Variants in FOLR1 observed in about 807,000 individuals in gnomAD.
FOLR1 encodes the protein folate receptor alpha.
In FOLR1, 11 loss-of-function variants were observed where a neutral mutation model predicts 22.8. The observed-to-expected ratio is 0.48, with a 90% CI of 0.30 to 0.80. The LOEUF is 0.80. Among genes scored for constraint, FOLR1 ranks in the 30% least tolerant of loss-of-function variants. FOLR1 has a pLI of 0.06. For synonymous variants in FOLR1, 108 were observed against 116.5 expected (o/e 0.93, Z 0.47); for missense variants, 273 against 320.3 (o/e 0.85, Z 1.13).
chr11:72,195,979 C>G lies in FOLR1; in HGVS notation c.576C>G (p.Ile192Met). 1 of 1,614,230 alleles carries G rather than the reference C, an allele frequency of 6.2e-7. No homozygotes were observed. ...FPTPTVLCNE[I>M]WTHSYKVSNY... is the part of the protein sequence containing the mutation. ...CACCCACTGTTCTGTGCAATGAAAT[C>G]TGGACTCACTCCTACAAGGTCAGCA... The change falls in exon 4 of 4, where the codon ATC becomes ATG. Residue 192 changes from isoleucine (I) to methionine (M), a missense_variant. By Grantham distance (10) the Ile-to-Met change is conservative (BLOSUM62 1). Coordinates refer to ENST00000393676, the MANE Select transcript of FOLR1 (RefSeq NM_016729.3).
rs772395169 is a variant in FOLR1, at chr11:72,195,858, C to A, written c.494-39C>A. ...AGGGCTGGCAGACCTCAAGATAGTT[C>A]CGGGCCCAGTGGCTAAAGGTCTTCC... is the stretch of plus-strand genomic sequence containing the variant. On this transcript the variant is annotated intron_variant, in intron 3 of 3. Transcript: ENST00000393676. The A allele has an allele frequency of 1.5e-5, 25 of 1,614,058 alleles. No homozygotes were observed. The South Asian group carries it at 2.7e-4, about 18-fold the overall frequency.
chr11:72,194,657 C>A (rs1390854908), intron 1 of FOLR1, among the ~76,000 whole-genome samples: 1 of 152,052 alleles, frequency 6.6e-6, no homozygotes, highest in Non-Finnish European at 1.5e-5. Context: ...CCTCGGCCTC[C>A]CAAAATGCTG....
At chr11:72,193,709 C>T (rs1318409785) in intron 1 of FOLR1, among the ~76,000 whole-genome samples, 1 of 151,994 alleles carries the variant, frequency 6.6e-6, no homozygotes, top group African/African-American at 2.4e-5. Context: ...ATCCGCCCCT[C>T]TTGGCCTCCC....
In FOLR1 at chr11:72,192,336, G is replaced by A. The variant is rs1370692247; in HGVS notation, c.163G>A (p.Glu55Lys). The A allele has an allele frequency of 9.9e-6, 16 of 1,613,914 alleles. No homozygotes were observed. Among genetic ancestry groups the A allele is most frequent in the East Asian group, 2.2e-5 (1 of 44,892 alleles). ...GCCAGGCCCCGAGGACAAGTTGCATGAGCAGGTGGGCCAGGGGGTGATCTG... is the reference window on the plus strand; with the variant it reads ...GCCAGGCCCCGAGGACAAGTTGCATAAGCAGGTGGGCCAGGGGGTGATCTG... ...EKPGPEDKLH[E>K]QCRPWRKNAC... Residue 55 changes from glutamate to lysine, a missense_variant, in exon 1 of 4, where the codon GAG becomes AAG. Glu to Lys is a moderately conservative substitution (Grantham distance 56). Coordinates refer to ENST00000393676, the MANE Select transcript of FOLR1 (RefSeq NM_016729.3).
At chr11:72,193,027 A>G (rs1948176628) in intron 1 of FOLR1, among the ~76,000 whole-genome samples, 1 of 152,182 alleles carries the variant, frequency 6.6e-6, no homozygotes, top group Admixed American at 6.5e-5. Flanking sequence ...ATAACTAAAG[A>G]AAAAGCAGAG....
chr11:72,190,547 C>T (rs906851954), upstream of FOLR1: 2 of 152,132 alleles, frequency 1.3e-5, no homozygotes, highest in African/African-American at 4.8e-5. Flanking sequence ...GAACCCTGTG[C>T]TCTAAACAGT....
rs778286900 is a variant in FOLR1, at chr11:72,195,917, G to A, written c.514G>A (p.Gly172Arg). The part of the protein sequence containing the change: ...WTSGFNKCAV[G>R]AACQPFHFYF... The stretch of plus-strand genomic sequence containing the variant: ...TACAGGGTTTAACAAGTGCGCAGTG[G>A]GAGCTGCCTGCCAACCTTTCCATTT... The change falls in exon 4 of 4, where the codon GGA (glycine) becomes AGA (arginine). Residue 172 changes from glycine to arginine, a missense_variant. Physicochemically the swap from Gly to Arg is moderately radical, Grantham distance 125. Transcript: ENST00000393676. 6.2e-7 allele frequency: 1 copy of A among 1,614,166 alleles called. No homozygotes were observed. The highest frequency in any genetic ancestry group is 1.1e-5 in the South Asian group (1 of 91,082).
intron 1 of FOLR1, among the ~76,000 whole-genome samples, chr11:72,194,645 C>T (rs552837119): frequency 1.3e-5 from 2 of 152,198 alleles, no homozygotes; most frequent in East Asian, 1.9e-4. Flanking sequence ...GTGATCCACC[C>T]GCCTCGGCCT....
chr11:72,189,974 T>G (rs1948135199), upstream of FOLR1, among the ~76,000 whole-genome samples: 1 of 152,212 alleles, frequency 6.6e-6, no homozygotes, highest in Non-Finnish European at 1.5e-5. Context: ...GCTCTAGCCC[T>G]TCAGTCCAGA....
chr11:72,195,260 C>T lies in FOLR1; in HGVS notation c.169-11C>T, dbSNP rs1346795631. On this transcript the variant is annotated splice_polypyrimidine_tract_variant and intron_variant, in intron 1 of 3. Coordinates refer to ENST00000393676, the MANE Select transcript of FOLR1 (RefSeq NM_016729.3). ...GGCTGTGGACTGAGTCCTCTGTCTT[C>T]CCCCATCCAGTGTCGACCCTGGAGG... 6.2e-7 allele frequency: 1 copy of T among 1,613,606 alleles called. No individual in the cohort carries two copies. The highest frequency in any genetic ancestry group is 1.1e-5 in the South Asian group (1 of 91,054).
intron 1 of FOLR1, among the ~76,000 whole-genome samples, chr11:72,193,878 G>C (rs1240004064): frequency 1.1e-4 from 17 of 151,946 alleles, no homozygotes; most frequent in Non-Finnish European, 1.5e-5. Context: ...CCACCTCCCA[G>C]GTTCAAGCAA....
intron 1 of FOLR1, among the ~76,000 whole-genome samples, chr11:72,193,420 C>A (rs533958734): frequency 1.4e-4 from 21 of 150,100 alleles, no homozygotes; most frequent in Non-Finnish European, 2.7e-4. Context: ...GGGAGGGAGG[C>A]AAGGGAGAGA....
At chr11:72,191,542 A>G (rs1421609312), upstream of FOLR1, among the ~76,000 whole-genome samples, 8 of 151,938 alleles carry the variant, frequency 5.3e-5, no homozygotes, top group African/African-American at 1.7e-4. Flanking sequence ...TTGTATTTTT[A>G]GTAGAGACAG....
At chr11:72,194,388 C>T (rs1373122159) in intron 1 of FOLR1, among the ~76,000 whole-genome samples, 1 of 151,996 alleles carries the variant, frequency 6.6e-6, no homozygotes, top group African/African-American at 2.4e-5. Context: ...CGCCACCACA[C>T]TTGGCTAGTT....
chr11:72,193,126 G>A (rs1475148120), intron 1 of FOLR1, among the ~76,000 whole-genome samples: 1 of 152,112 alleles, frequency 6.6e-6, no homozygotes, highest in Non-Finnish European at 1.5e-5. Flanking sequence ...CTTGAGCTCA[G>A]GAGTTCGAGA....
chr11:72,194,225 C>T (rs1255960745), intron 1 of FOLR1, among the ~76,000 whole-genome samples: 1 of 152,162 alleles, frequency 6.6e-6, no homozygotes, highest in Admixed American at 6.6e-5. Flanking sequence ...AGATTAGTTC[C>T]TAAGTTGTTT....
At chr11:72,190,955 G>A (rs1283915041), upstream of FOLR1, among the ~76,000 whole-genome samples, 1 of 152,250 alleles carries the variant, frequency 6.6e-6, no homozygotes, top group African/African-American at 2.4e-5. Context: ...CGACTGGTAT[G>A]TGGAAGATGA....
Position 72,196,271 on chromosome 11 carries a change from C to A in FOLR1, c.*94C>A. The A allele has an allele frequency of 7.5e-7, 1 of 1,336,032 alleles. No individual in the cohort carries two copies. Among genetic ancestry groups the A allele is most frequent in the Non-Finnish European group, 1.1e-6 (1 of 937,596 alleles). 82.8% of individuals were successfully genotyped at this position (1,336,032 alleles called of 1,614,324 possible). ...TCCTGCTCCATGGTCGGGCCTCTGA[C>A]AGCCACTTTGAATAAACCAGACACC... is the stretch of plus-strand genomic sequence containing the variant. On this transcript the variant is annotated 3_prime_UTR_variant, in exon 4 of 4. Transcript: ENST00000393676.
chr11:72,191,245 A>AG (rs1401117447), upstream of FOLR1, among the ~76,000 whole-genome samples: 1 of 152,114 alleles, frequency 6.6e-6, no homozygotes, highest in Admixed American at 6.6e-5. Flanking sequence ...GTTTCCGGGA[A>AG]GGGCCTACTA....
Sources: allele counts gnomAD v4.1 joint callset (sites outside exome capture counted in the v4.1 genomes callset), GRCh38; gene constraint gnomAD v4.1.1; transcripts MANE v1.5; gene names NCBI Gene and HGNC (gene_info 2026-07-23, HGNC 2026-07-21).